The following TMC2 variants were observed in gnomAD, a reference collection of about 807,000 sequenced individuals.
The protein encoded by TMC2 is transmembrane channel-like protein 2.
In TMC2, 102 loss-of-function variants were observed where a neutral mutation model predicts 105.9. The ratio of observed to expected loss-of-function variants is 0.96; its 90% CI spans 0.82 to 1.14. The LOEUF is 1.14. Among genes scored for constraint, TMC2 ranks in the 50% most tolerant of loss-of-function variants. The pLI, the probability that TMC2 is intolerant of heterozygous loss-of-function variation, is 0.00. For missense variants in TMC2, 1,093 were observed against 1,134.3 expected, an observed-to-expected ratio of 0.96 and a Z score of 0.52; for synonymous variants, 402 against 422.8, an observed-to-expected ratio of 0.95 and a Z score of 0.60.
chr20:2,538,130 G>A (rs536424619), intron 2 of TMC2, among the ~76,000 whole-genome samples: 12 of 152,188 alleles, frequency 7.9e-5, no homozygotes, highest in Non-Finnish European at 1.6e-4. Context: ...GCTGGCCCCA[G>A]GAGCCACTTC....
chr20:2,553,322 G>A (rs1479842227), intron 2 of TMC2, among the ~76,000 whole-genome samples: 2 of 151,970 alleles, frequency 1.3e-5, no homozygotes, highest in Non-Finnish European at 2.9e-5. Flanking sequence ...TTTTTTTAAT[G>A]TTTTCTCTGC....
At chr20:2,587,973 T>G (rs1377089427) in intron 7 of TMC2, among the ~76,000 whole-genome samples, 3 of 152,056 alleles carry the variant, frequency 2.0e-5, no homozygotes, top group Non-Finnish European at 4.4e-5. Context: ...GTAGGCAGAA[T>G]TCTAAGAATG....
chr20:2,545,746 AAGGAAGAAGAAGACG>A (rs1665029333), intron 2 of TMC2, among the ~76,000 whole-genome samples: 1 of 151,726 alleles, frequency 6.6e-6, no homozygotes, highest in East Asian at 1.9e-4. Flanking sequence ...GATGAAGATG[AAGGAAGAAGAAGACG>A]AGGAAGAAGA....
intron 2 of TMC2, among the ~76,000 whole-genome samples, chr20:2,549,302 C>T (rs2085942822): frequency 6.6e-6 from 1 of 152,174 alleles, no homozygotes; most frequent in Non-Finnish European, 1.5e-5. Context: ...ATTATTCTCC[C>T]TCCTCAGCCT....
intron 3 of TMC2, among the ~76,000 whole-genome samples, chr20:2,559,504 C>G (rs1014999777): frequency 1.3e-5 from 2 of 152,068 alleles, no homozygotes; most frequent in African/African-American, 4.8e-5. Flanking sequence ...ATAACAGATG[C>G]CTTATTCGTT....
intron 10 of TMC2, 57 bp downstream of exon 10, chr20:2,597,355 G>A: frequency 6.5e-7 from 1 of 1,540,094 alleles, no homozygotes; most frequent in Non-Finnish European, 8.9e-7. Flanking sequence ...TCTGGTCATT[G>A]AGAGACTTCT....
rs3051763 is a variant in TMC2 at position 2,636,459 on chromosome 20, TACACACACAC to T, written c.2385+480_2385+489del. On this transcript the variant is annotated intron_variant, in intron 18 of 19. Coordinates refer to ENST00000358864, the MANE Select transcript of TMC2 (RefSeq NM_080751.3). The stretch of plus-strand genomic sequence containing the variant: ...TGACACCCTACTTCTGACTGCTGTC[TACACACACAC>T]ACACACACACACACACACACACACG... Among the ~76,000 whole-genome samples the T allele has an allele frequency of 6.1e-3, 875 of 143,512 alleles. 8 individuals carry two copies. The highest frequency in any genetic ancestry group is 0.015 in the African/African-American group (599 of 38,896). 94.1% of individuals were successfully genotyped at this position (143,512 alleles called of 152,430 possible). A position where few individuals can be genotyped will look rare whatever the true frequency, so the allele number is the denominator to read the frequency against.
intron 10 of TMC2, among the ~76,000 whole-genome samples, chr20:2,599,860 G>C (rs904051496): frequency 6.6e-6 from 1 of 152,110 alleles, no homozygotes; most frequent in Admixed American, 6.5e-5. Context: ...TCTTTTCTTT[G>C]CCCCTCCCCT....
At position 2,558,860 on chromosome 20, in the gene TMC2, G is replaced by GC; in HGVS notation, c.401+92dup. 2 of 1,356,304 alleles carry GC rather than the reference G, an allele frequency of 1.5e-6. No individual in the cohort carries two copies. The highest frequency in any genetic ancestry group is 1.5e-5 in the African/African-American group (1 of 67,934). 84.0% of individuals were successfully genotyped at this position (1,356,304 alleles called of 1,614,324 possible). Reference sequence around the variant, plus strand: ...TCCCCTTCCCCCGTGAGGGACTGATGCCCCCCTCCCCGGGGAGAGGCAGCC... The same window carrying GC: ...TCCCCTTCCCCCGTGAGGGACTGATGCCCCCCCTCCCCGGGGAGAGGCAGCC... On this transcript the variant is annotated intron_variant, in intron 3 of 19. Coordinates refer to ENST00000358864, the MANE Select transcript of TMC2 (RefSeq NM_080751.3). This position sits in a 1 kb window ranked among gnomAD's most constrained non-coding sequence, Gnocchi z 4.6.
intron 5 of TMC2, among the ~76,000 whole-genome samples, chr20:2,575,958 T>C (rs1363324844): frequency 6.6e-6 from 1 of 152,228 alleles, no homozygotes; most frequent in Non-Finnish European, 1.5e-5. Flanking sequence ...TTAGAAGCCA[T>C]ATTTATTGCA....
At chr20:2,612,162 C>A in intron 12 of TMC2, 29 bp from the exon 13 acceptor site, 1 of 1,568,834 alleles carries the variant, frequency 6.4e-7, no homozygotes, top group South Asian at 1.2e-5. Context: ...TAGCTCCTTC[C>A]TACCCCACAC....
chr20:2,610,983 C>T (rs573756799), intron 12 of TMC2, among the ~76,000 whole-genome samples: 9 of 152,314 alleles, frequency 5.9e-5, no homozygotes, highest in Non-Finnish European at 1.3e-4. Context: ...TTATGGAGCA[C>T]CCACAATGGC....
At chr20:2,635,805 C>T (rs2086637940) in intron 17 of TMC2, 121 bp from the exon 18 acceptor site, 1 of 756,292 alleles carries the variant, frequency 1.3e-6, no homozygotes, top group Non-Finnish European at 2.3e-6. Context: ...GATGGTAGGA[C>T]ACCCACCCAA....
intron 7 of TMC2, among the ~76,000 whole-genome samples, chr20:2,588,348 A>T (rs1466794440): frequency 1.3e-5 from 2 of 152,122 alleles, no homozygotes; most frequent in East Asian, 3.8e-4. Context: ...AGGACTCCAG[A>T]CCCCAGATGA....
chr20:2,611,920 G>T (rs2086443249), intron 12 of TMC2, among the ~76,000 whole-genome samples: 1 of 150,724 alleles, frequency 6.6e-6, no homozygotes, highest in African/African-American at 2.4e-5. Flanking sequence ...ATGGATGGAT[G>T]GATGGATGAA....
chr20:2,588,689 C>CG (rs1412471932), intron 7 of TMC2, among the ~76,000 whole-genome samples: 1 of 62,862 alleles, frequency 1.6e-5, no homozygotes, highest in Non-Finnish European at 3.0e-5. Context: ...TTGCATGTGT[C>CG]TTTGTGTGTG....
chr20:2,624,194 TA>T, intron 16 of TMC2, 76 bp from the exon 17 acceptor site: 2 of 1,497,246 alleles, frequency 1.3e-6, no homozygotes, highest in East Asian at 2.4e-5. Flanking sequence ...TGGACCTGGG[TA>T]GGGGGGCCAT....
In TMC2 at chr20:2,640,683, G is replaced by A. The variant is rs1441856630; in HGVS notation, c.2504-451G>A. ...TCTGTGTCCCAGAACAAGAGGGACTGGGTTTAGTAAAGAGCAGTCATTTTC... is the reference window on the plus strand; with the variant it reads ...TCTGTGTCCCAGAACAAGAGGGACTAGGTTTAGTAAAGAGCAGTCATTTTC... On this transcript the variant is annotated intron_variant, in intron 19 of 19. Coordinates refer to ENST00000358864, the MANE Select transcript of TMC2 (RefSeq NM_080751.3). Among the ~76,000 whole-genome samples the A allele has an allele frequency of 2.6e-5, 4 of 152,308 alleles. No homozygotes were observed. The East Asian group carries it at 5.8e-4, about 22-fold the overall frequency.
At position 2,624,380 on chromosome 20, in the gene TMC2, G is replaced by T; in HGVS notation, c.2290G>T (p.Ala764Ser). Residue 764 changes from alanine to serine, a missense_variant, in exon 17 of 20, where the codon GCC becomes TCC. Physicochemically the swap from Ala to Ser is moderately conservative, Grantham distance 99. Transcript: ENST00000358864. ...CGCCAATCCAGGCCTGATCATCCCA[G>T]CCATCCTGCTGATGTTGTAAGTTAG... ...FLANPGLIIP[A>S]ILLMFLAIYY... 6.2e-7 allele frequency: 1 copy of T among 1,613,800 alleles called. No individual in the cohort carries two copies.
Sources: gnomAD v4.1 joint callset for allele counts (sites outside exome capture counted in the v4.1 genomes callset) on GRCh38, gnomAD v4.1.1 for gene constraint, Gnocchi (gnomAD v3.1) non-coding constraint, MANE v1.5 for transcripts, NCBI Gene and HGNC (gene_info 2026-07-23, HGNC 2026-07-21) for gene names.